The following USP50 variants were observed in gnomAD, a reference collection of about 807,000 sequenced individuals.
USP50 encodes the protein ubiquitin specific peptidase 50.
In USP50, 37 loss-of-function variants were observed where a neutral mutation model predicts 39.2. That is an observed-to-expected ratio of 0.94 (90% CI 0.73 to 1.24). The LOEUF (loss-of-function observed/expected upper bound fraction) is 1.24. Ranked by LOEUF, USP50 falls within the 50% of genes most tolerant of loss-of-function variation. The probability of loss-of-function intolerance (pLI) is 0.00; values close to 1 mark genes in which losing one functional copy is unlikely to be tolerated. For synonymous variants in USP50, 139 were observed against 144.5 expected, an observed-to-expected ratio of 0.96 and a Z score of 0.27; for missense variants, 374 against 398.2, an observed-to-expected ratio of 0.94 and a Z score of 0.52.
chr15:50,543,742 C>A lies in USP50; in HGVS notation c.300G>T (p.Trp100Cys), dbSNP rs374502246. ...TAFAYLMTDM[W>C]LGDSDCVSPE... is the part of the protein sequence containing the mutation. Reference sequence around the variant, plus strand: ...GTGAGACACAGTCTGAGTCTCCCAGCCACATGTCTGTCATCAGATAGGCAA... The same window carrying A: ...GTGAGACACAGTCTGAGTCTCCCAGACACATGTCTGTCATCAGATAGGCAA... Residue 100 changes from tryptophan to cysteine, a missense_variant, in exon 3 of 7, where the codon TGG becomes TGT. Physicochemically the swap from Trp to Cys is radical, Grantham distance 215. Coordinates refer to ENST00000532404, the MANE Select transcript of USP50 (RefSeq NM_203494.5). 1 of 1,610,468 alleles carries A rather than the reference C, an allele frequency of 6.2e-7. No homozygotes were observed. The highest frequency in any genetic ancestry group is 8.5e-7 in the Non-Finnish European group (1 of 1,178,170).
chr15:50,526,025 T>C (rs868459302), intron 6 of USP50, among the ~76,000 whole-genome samples: 10 of 152,126 alleles, frequency 6.6e-5, no homozygotes, highest in Admixed American at 3.3e-4. Flanking sequence ...AGCGGGATCA[T>C]TAAAGACACA....
At chr15:50,508,412 G>A (rs1480668504) in intron 6 of USP50, 1 of 152,144 alleles carries the variant, frequency 6.6e-6, no homozygotes, top group Non-Finnish European at 1.5e-5. Context: ...ATGGATGCAT[G>A]GCGGTTTGTT....
At chr15:50,519,524 C>T (rs539548586) in intron 6 of USP50, among the ~76,000 whole-genome samples, 30 of 151,882 alleles carry the variant, frequency 2.0e-4, no homozygotes, top group Admixed American at 5.9e-4. Flanking sequence ...ACCATCTTGG[C>T]TAACCCGGTG....
chr15:50,513,284 T>A (rs2052761595), intron 6 of USP50: 2 of 151,970 alleles, frequency 1.3e-5, no homozygotes, highest in Admixed American at 6.6e-5. Context: ...CCAGCAAAAA[T>A]TTGGAAACAA....
At chr15:50,544,172 C>T (rs186926108) in intron 2 of USP50, among the ~76,000 whole-genome samples, 1 of 151,930 alleles carries the variant, frequency 6.6e-6, no homozygotes, top group Non-Finnish European at 1.5e-5. Context: ...GAAACCCCGT[C>T]TCTACTAAAA....
intron 5 of USP50, among the ~76,000 whole-genome samples, chr15:50,535,868 GA>G (rs1016431077): frequency 1.3e-5 from 2 of 151,666 alleles, no homozygotes; most frequent in East Asian, 1.9e-4. Context: ...TAGGTTAAAG[GA>G]AAAAAAATCA....
At chr15:50,514,903 C>T (rs995985478) in intron 6 of USP50, among the ~76,000 whole-genome samples, 1 of 144,556 alleles carries the variant, frequency 6.9e-6, no homozygotes, top group Non-Finnish European at 1.5e-5. Flanking sequence ...GGCTGAGATG[C>T]GAGAATCACT....
chr15:50,504,316 A>C (rs1373279995), intron 6 of USP50: 1 of 152,326 alleles, frequency 6.6e-6, no homozygotes, highest in African/African-American at 2.4e-5. Flanking sequence ...GCTTGAGCCC[A>C]GGAGTTGTAG....
chr15:50,544,483 T>C, intron 2 of USP50, 104 bp downstream of exon 2: 1 of 1,131,352 alleles, frequency 8.8e-7, no homozygotes, highest in South Asian at 1.7e-5. Flanking sequence ...CTCTACTGAC[T>C]TGTTTGTTTA....
intron 6 of USP50, among the ~76,000 whole-genome samples, chr15:50,527,545 G>A (rs746516376): frequency 2.0e-5 from 3 of 151,844 alleles, no homozygotes; most frequent in South Asian, 4.2e-4. Flanking sequence ...CCAATGCTAC[G>A]GTTCTCCTGA....
chr15:50,516,476 G>T (rs1366748972), intron 6 of USP50, among the ~76,000 whole-genome samples: 1 of 152,092 alleles, frequency 6.6e-6, no homozygotes, highest in Non-Finnish European at 1.5e-5. Flanking sequence ...AAGTAGCCGG[G>T]CGTGGTGGCG....
chr15:50,513,366 TA>T (rs1488193567), intron 6 of USP50: 1 of 152,108 alleles, frequency 6.6e-6, no homozygotes, highest in Non-Finnish European at 1.5e-5. Context: ...AGTGAAATTA[TA>T]ACCACATGCA....
chr15:50,498,549 C>T (rs373366435), downstream of USP50: 18 of 1,542,308 alleles, frequency 1.2e-5, no homozygotes, highest in African/African-American at 2.5e-4. Flanking sequence ...GAGGATTCAT[C>T]CTGGTATCTT....
In USP50 at chr15:50,529,782, TTTG is replaced by T; in HGVS notation, c.936+12_936+14del. On this transcript the variant is annotated intron_variant, in intron 6 of 6. Transcript: ENST00000532404. ...TTTAAAATTGGATTACTTTTAACAG[TTTG>T]TTTTTACTCACCACCACTGCACAGA... 3 of 1,607,398 alleles carry T rather than the reference TTTG, an allele frequency of 1.9e-6. No homozygotes were observed. Among genetic ancestry groups the T allele is most frequent in the Non-Finnish European group, 2.5e-6 (3 of 1,178,004 alleles).
chr15:50,523,807 AG>A (rs759465677), intron 6 of USP50, among the ~76,000 whole-genome samples: 6 of 152,248 alleles, frequency 3.9e-5, no homozygotes, highest in Non-Finnish European at 7.3e-5. Flanking sequence ...CAATGACAAA[AG>A]ACCTCAAATT....
intron 6 of USP50, among the ~76,000 whole-genome samples, chr15:50,521,539 G>A (rs759814271): frequency 2.2e-4 from 34 of 151,996 alleles, no homozygotes; most frequent in Non-Finnish European, 4.4e-4. Context: ...AAATAACAAA[G>A]ATCAAAGCAG....
At chr15:50,541,316 G>T in intron 3 of USP50, 52 bp from the exon 4 acceptor site, 1 of 1,505,760 alleles carries the variant, frequency 6.6e-7, no homozygotes, top group Non-Finnish European at 9.1e-7. Flanking sequence ...ATTTAAAAAA[G>T]ACTGTGGCAA....
chr15:50,500,572 G>A lies in USP50; in HGVS notation c.*197C>T, dbSNP rs1448121140. The stretch of plus-strand genomic sequence containing the variant: ...TGTTAATGATGCAAGTAAGTTCTAA[G>A]AGTTTAATGACCAAGCAAAACTCTA... On this transcript the variant is annotated 3_prime_UTR_variant, in exon 7 of 7. Transcript: ENST00000532404. 12 of 528,838 alleles carry A rather than the reference G, an allele frequency of 2.3e-5. No individual in the cohort carries two copies. The highest frequency in any genetic ancestry group is 4.1e-5 in the Non-Finnish European group (12 of 292,452). The allele number at this position is 528,838 out of a possible 1,614,324, so 32.8% of individuals were successfully genotyped here.
chr15:50,540,520 T>C (rs1765845440), intron 4 of USP50, among the ~76,000 whole-genome samples: 1 of 152,182 alleles, frequency 6.6e-6, no homozygotes, highest in South Asian at 2.1e-4. Flanking sequence ...GTCAGGCTAT[T>C]TCGTTGAGTA....
Sources: allele counts gnomAD v4.1 joint callset (sites outside exome capture counted in the v4.1 genomes callset), GRCh38; gene constraint gnomAD v4.1.1; transcripts MANE v1.5; gene names NCBI Gene and HGNC (gene_info 2026-07-23, HGNC 2026-07-21).